DRAM1: variants seen among roughly 807,000 people sequenced by gnomAD.
The protein encoded by DRAM1 is DNA damage-regulated autophagy modulator protein 1.
In DRAM1, 25 loss-of-function variants were observed where a neutral mutation model predicts 28.5. The ratio of observed to expected loss-of-function variants is 0.88; its 90% CI spans 0.64 to 1.23. The LOEUF is 1.23. Among genes scored for constraint, DRAM1 ranks in the 50% most tolerant of loss-of-function variants. DRAM1 has a pLI of 0.00. For missense variants in DRAM1, 249 were observed against 299.2 expected (o/e 0.83, Z 1.24); for synonymous variants, 113 against 114.2 (o/e 0.99, Z 0.07).
At chr12:101,895,494 C>T (rs577654879) in intron 1 of DRAM1, among the ~76,000 whole-genome samples, 2 of 150,906 alleles carry the variant, frequency 1.3e-5, no homozygotes, top group Admixed American at 1.3e-4. Flanking sequence ...CTAAACCCTT[C>T]AGGTTCTTGC....
chr12:101,884,093 G>C (rs1340120600), intron 1 of DRAM1, among the ~76,000 whole-genome samples: 2 of 151,716 alleles, frequency 1.3e-5, no homozygotes, highest in Non-Finnish European at 2.9e-5. Flanking sequence ...CAAAAAATTA[G>C]TTTAGATTTG....
At chr12:101,892,250 T>G (rs1342822907) in intron 1 of DRAM1, among the ~76,000 whole-genome samples, 1 of 150,518 alleles carries the variant, frequency 6.6e-6, no homozygotes, top group African/African-American at 2.4e-5. Flanking sequence ...TTATTTTTTT[T>G]TTTGAGACAG....
intron 1 of DRAM1, among the ~76,000 whole-genome samples, chr12:101,885,072 T>G (rs1872837424): frequency 6.6e-6 from 1 of 152,118 alleles, no homozygotes; most frequent in Non-Finnish European, 1.5e-5. Flanking sequence ...TAGCTGTGAT[T>G]AGAGGCATGT....
chr12:101,915,871 G>A (rs1461248914), intron 5 of DRAM1, among the ~76,000 whole-genome samples: 4 of 152,050 alleles, frequency 2.6e-5, no homozygotes, highest in African/African-American at 7.2e-5. Flanking sequence ...GCAGACTTTC[G>A]AACGGTAAAG....
At chr12:101,913,524 G>A (rs1404765979) in intron 4 of DRAM1, among the ~76,000 whole-genome samples, 1 of 151,842 alleles carries the variant, frequency 6.6e-6, no homozygotes, top group African/African-American at 2.4e-5. Flanking sequence ...TGACCAACAT[G>A]GAGAAACACC....
intron 1 of DRAM1, among the ~76,000 whole-genome samples, chr12:101,893,824 G>A (rs1204385746): frequency 6.7e-6 from 1 of 150,184 alleles, no homozygotes; most frequent in Non-Finnish European, 1.5e-5. Flanking sequence ...TATTTGCAAA[G>A]TGCTTTTGGT....
At chr12:101,889,888 C>G (rs1301153504) in intron 1 of DRAM1, among the ~76,000 whole-genome samples, 1 of 137,898 alleles carries the variant, frequency 7.3e-6, no homozygotes, top group African/African-American at 2.7e-5. Flanking sequence ...TGCAGTGAGC[C>G]GAGATCGTGC....
intron 1 of DRAM1, among the ~76,000 whole-genome samples, chr12:101,895,566 A>ATTTTTTTT (rs553634247): frequency 5.8e-5 from 6 of 103,420 alleles, no homozygotes; most frequent in African/African-American, 1.2e-4. Context: ...AAGGGAGGCT[A>ATTTTTTTT]TTTTTTTTTT....
intron 1 of DRAM1, among the ~76,000 whole-genome samples, chr12:101,896,256 G>C (rs191500992): frequency 7.9e-5 from 12 of 152,264 alleles, no homozygotes; most frequent in Admixed American, 2.0e-4. Flanking sequence ...CCTGTTTTCT[G>C]CACACACAGG....
rs1225303526 is a variant in DRAM1 at position 101,892,967 on chromosome 12, GTTGTA to G, written c.132-4890_132-4886del. ...TATGAATTTTTGTTGTGTCAACACT[GTTGTA>G]TTGTACTGTTGCAGTGCAAAGGTGT... On this transcript the variant is annotated intron_variant, in intron 1 of 6. Transcript: ENST00000258534. Among the ~76,000 whole-genome samples the G allele has an allele frequency of 4.2e-4, 64 of 152,316 alleles. 1 individual carries two copies. The highest frequency in any genetic ancestry group is 1.4e-3 in the African/African-American group (57 of 41,572).
chr12:101,878,946 G>A (rs1347558561), intron 1 of DRAM1, among the ~76,000 whole-genome samples: 1 of 151,940 alleles, frequency 6.6e-6, no homozygotes, highest in African/African-American at 2.4e-5. Flanking sequence ...TGAGGAGTGT[G>A]GAGAAAGGGG....
intron 3 of DRAM1, among the ~76,000 whole-genome samples, chr12:101,902,837 G>A (rs577346505): frequency 5.9e-5 from 9 of 151,958 alleles, no homozygotes; most frequent in East Asian, 1.9e-4. Flanking sequence ...ATTCATTTTC[G>A]TCATATCAGG....
At chr12:101,899,141 A>G (rs1873497926) in intron 2 of DRAM1, among the ~76,000 whole-genome samples, 1 of 152,170 alleles carries the variant, frequency 6.6e-6, no homozygotes, top group Non-Finnish European at 1.5e-5. Context: ...GAATTTGTTC[A>G]TCCTACTTGG....
intron 4 of DRAM1, among the ~76,000 whole-genome samples, chr12:101,912,611 ACTT>A (rs1874082174): frequency 6.6e-6 from 1 of 152,270 alleles, no homozygotes; most frequent in African/African-American, 2.4e-5. Flanking sequence ...TGTGCTCTCT[ACTT>A]CTTTTATTTT....
chr12:101,904,662 T>G (rs1011398704), intron 3 of DRAM1, among the ~76,000 whole-genome samples: 2 of 151,552 alleles, frequency 1.3e-5, no homozygotes. Flanking sequence ...AGGATGGTCT[T>G]GATCTCCTGA....
chr12:101,914,435 A>G (rs920474608), intron 5 of DRAM1, among the ~76,000 whole-genome samples: 2 of 151,908 alleles, frequency 1.3e-5, no homozygotes, highest in African/African-American at 4.8e-5. Flanking sequence ...GCTTCCTGGA[A>G]GTATTTTCAA....
intron 1 of DRAM1, among the ~76,000 whole-genome samples, chr12:101,896,049 G>A (rs1322131931): frequency 6.6e-6 from 1 of 151,870 alleles, no homozygotes; most frequent in Non-Finnish European, 1.5e-5. Flanking sequence ...ACCATGCTTA[G>A]CTAATTTTTG....
chr12:101,921,141 CT>C (rs1316323043), intron 6 of DRAM1, 74 bp from the exon 7 acceptor site: 1 of 1,027,384 alleles, frequency 9.7e-7, no homozygotes, highest in African/African-American at 1.6e-5. Flanking sequence ...TGGTGCAGAG[CT>C]GTTGGAAATG....
chr12:101,882,332 G>A (rs1434106368), intron 1 of DRAM1, among the ~76,000 whole-genome samples: 2 of 150,426 alleles, frequency 1.3e-5, no homozygotes, highest in East Asian at 2.2e-4. Context: ...GGATGGTCTC[G>A]ATCTCCTGAC....
Sources: allele counts gnomAD v4.1 joint callset (sites outside exome capture counted in the v4.1 genomes callset), GRCh38; gene constraint gnomAD v4.1.1; transcripts MANE v1.5; gene names NCBI Gene and HGNC (gene_info 2026-07-23, HGNC 2026-07-21).